Variants in CRISP1 observed in about 807,000 individuals in gnomAD.
The protein encoded by CRISP1 is cysteine rich secretory protein 1, also known as cysteine-rich secretory protein 1.
Under a neutral mutation model 33.1 loss-of-function variants are expected in CRISP1, and 44 were observed. The ratio of observed to expected loss-of-function variants is 1.33; its 90% CI spans 1.05 to 1.71. CRISP1 has a LOEUF of 1.71. Among genes scored for constraint, CRISP1 ranks in the 40% most tolerant of loss-of-function variants. CRISP1 has a pLI of 0.00. For missense variants in CRISP1, 390 were observed against 301.2 expected, an observed-to-expected ratio of 1.29 and a Z score of -2.18; for synonymous variants, 103 against 98.7, an observed-to-expected ratio of 1.04 and a Z score of -0.26.
intron 1 of CRISP1, among the ~76,000 whole-genome samples, chr6:49,862,560 A>G (rs1411794657): frequency 8.5e-5 from 13 of 152,160 alleles, no homozygotes; most frequent in Non-Finnish European, 1.8e-4. Flanking sequence ...CTGTGCAAGT[A>G]TTAAAAGCAT....
At chr6:49,860,947 C>T (rs1771632952) in intron 1 of CRISP1, among the ~76,000 whole-genome samples, 1 of 151,760 alleles carries the variant, frequency 6.6e-6, no homozygotes. Context: ...ATACAGAAGA[C>T]CACAAGACAA....
At chr6:49,856,709 A>T (rs967281368) in intron 2 of CRISP1, among the ~76,000 whole-genome samples, 44 of 152,156 alleles carry the variant, frequency 2.9e-4, no homozygotes, top group African/African-American at 1.0e-3. Context: ...GGTAAATTAA[A>T]ATATATATTA....
chr6:49,852,956 C>T (rs1771395469), intron 2 of CRISP1, among the ~76,000 whole-genome samples: 1 of 151,476 alleles, frequency 6.6e-6, no homozygotes, highest in African/African-American at 2.4e-5. Flanking sequence ...TGAGGGGTGT[C>T]TGTTGCTTCC....
At chr6:49,837,503 G>A (rs1484974845) in intron 7 of CRISP1, among the ~76,000 whole-genome samples, 1 of 151,222 alleles carries the variant, frequency 6.6e-6, no homozygotes, top group South Asian at 2.1e-4. Context: ...TTCCAGAAAC[G>A]GGGTATAAAA....
chr6:49,849,013 T>A (rs1241311079), intron 3 of CRISP1, among the ~76,000 whole-genome samples: 2 of 152,104 alleles, frequency 1.3e-5, no homozygotes, highest in Non-Finnish European at 2.9e-5. Context: ...AGAATTTGAA[T>A]CCACTTAGGA....
chr6:49,837,049 T>C (rs537980585), intron 7 of CRISP1, among the ~76,000 whole-genome samples: 132 of 152,232 alleles, frequency 8.7e-4, no homozygotes, highest in African/African-American at 3.1e-3. Context: ...CGTTGTTTTC[T>C]TTTATCTGTT....
intron 1 of CRISP1, among the ~76,000 whole-genome samples, chr6:49,872,539 AC>A (rs1439114732): frequency 2.6e-5 from 4 of 152,258 alleles, no homozygotes; most frequent in East Asian, 1.9e-4. Context: ...TTTAGGTCTA[AC>A]ATTTGAGTCT....
At chr6:49,870,445 G>T (rs1333658751), upstream of CRISP1, among the ~76,000 whole-genome samples, 2 of 152,170 alleles carry the variant, frequency 1.3e-5, no homozygotes, top group African/African-American at 4.8e-5. Flanking sequence ...AGGTTGGAAA[G>T]TGAGGGAGCT....
chr6:49,853,437 C>T (rs898117763), intron 2 of CRISP1, among the ~76,000 whole-genome samples: 2 of 152,190 alleles, frequency 1.3e-5, no homozygotes, highest in Non-Finnish European at 2.9e-5. Flanking sequence ...AGGACTTCAA[C>T]ATCCACATGG....
chr6:49,838,958 G>T (rs1039848783), intron 6 of CRISP1, among the ~76,000 whole-genome samples: 1 of 152,128 alleles, frequency 6.6e-6, no homozygotes, highest in African/African-American at 2.4e-5. Flanking sequence ...AGTGAGGCAA[G>T]TTAGAGAGGT....
At chr6:49,856,437 A>C (rs997012755) in intron 2 of CRISP1, among the ~76,000 whole-genome samples, 1 of 152,162 alleles carries the variant, frequency 6.6e-6, no homozygotes, top group African/African-American at 2.4e-5. Flanking sequence ...CAGGACTCTA[A>C]TTCAGGACGC....
intron 1 of CRISP1, among the ~76,000 whole-genome samples, chr6:49,875,073 G>A (rs1445171448): frequency 2.0e-5 from 3 of 151,930 alleles, no homozygotes; most frequent in Non-Finnish European, 4.4e-5. Flanking sequence ...AATCAGGCAA[G>A]AGAAGAAAAT....
At position 49,840,932 on chromosome 6, in the gene CRISP1, G is replaced by A. The variant is rs370003820; in HGVS notation, c.499C>T (p.Pro167Ser). The change falls in exon 6 of 8, where the codon CCT becomes TCT. Residue 167 changes from proline to serine, a missense_variant. By Grantham distance (74) the Pro-to-Ser change is moderately conservative. Transcript: ENST00000335847. ...AIASCRQQGS[P>S]RYLYVCHYCH... ...TAGTGACAAACGTAGAGATATCGAG[G>A]TGATCCTTGTTGGCGGCAAGATGCA... The A allele has an allele frequency of 1.2e-6, 2 of 1,613,854 alleles. No homozygotes were observed. Among genetic ancestry groups the A allele is most frequent in the Non-Finnish European group, 1.7e-6 (2 of 1,179,824 alleles).
rs150253145 is a variant in CRISP1, at chr6:49,852,063, C to T, written c.133G>A (p.Val45Ile). Residue 45 changes from valine (V) to isoleucine (I), a missense_variant, in exon 3 of 8, where the codon GTT (valine) becomes ATT (isoleucine). Physicochemically the swap from Val to Ile is conservative, Grantham distance 29 (BLOSUM62 3). Transcript: ENST00000335847. ...CTCCTGAGGGCGTTGTGTATATTAA[C>T]GATCTCTTCTTGTACATTTGGCAAG... The part of the protein sequence containing the change: ...TDLPNVQEEI[V>I]NIHNALRRRV... 198 of 1,613,298 alleles carry T rather than the reference C, an allele frequency of 1.2e-4. 3 individuals are homozygous for T. In the South Asian group the frequency reaches 1.8e-3, roughly 15 times the overall value.
chr6:49,871,423 C>T (rs987731340), upstream of CRISP1, among the ~76,000 whole-genome samples: 2 of 152,028 alleles, frequency 1.3e-5, no homozygotes, highest in African/African-American at 4.8e-5. Context: ...ATAAACTCAG[C>T]GAAAGTCAAA....
intron 2 of CRISP1, among the ~76,000 whole-genome samples, chr6:49,853,411 T>C (rs1771408377): frequency 6.6e-6 from 1 of 152,188 alleles, no homozygotes; most frequent in African/African-American, 2.4e-5. Flanking sequence ...CACCCAGATT[T>C]CTGAAGTCAA....
intron 7 of CRISP1, among the ~76,000 whole-genome samples, chr6:49,838,044 T>C (rs934478379): frequency 6.6e-6 from 1 of 152,090 alleles, no homozygotes; most frequent in Non-Finnish European, 1.5e-5. Flanking sequence ...TAGGTAGTCA[T>C]GGAGGGGCAA....
intron 5 of CRISP1, among the ~76,000 whole-genome samples, chr6:49,844,626 C>G (rs1771100122): frequency 6.6e-6 from 1 of 152,032 alleles, no homozygotes; most frequent in Non-Finnish European, 1.5e-5. Context: ...AAAAGGCTGC[C>G]CACAGAGCCA....
chr6:49,862,408 A>AAT lies in CRISP1; in HGVS notation c.-3+4019_-3+4020dup, dbSNP rs529802694. 1.1e-3 allele frequency among the ~76,000 whole-genome samples: 161 copies of AAT among 152,076 alleles called. 1 individual carries two copies. The highest frequency in any genetic ancestry group is 3.7e-3 in the African/African-American group (154 of 41,524). On this transcript the variant is annotated intron_variant, in intron 1 of 7. Transcript: ENST00000335847. ...TACATAATATTACTGATATTAGAAA[A>AAT]ATATATATATACACACACACAATCT...
Sources: gnomAD v4.1 joint callset for allele counts (sites outside exome capture counted in the v4.1 genomes callset) on GRCh38, gnomAD v4.1.1 for gene constraint, MANE v1.5 for transcripts, NCBI Gene and HGNC (gene_info 2026-07-23, HGNC 2026-07-21) for gene names.